The following LMTK2 variants were observed in gnomAD, a reference collection of about 807,000 sequenced individuals.
LMTK2 encodes the protein lemur tail kinase 2.
A neutral mutation model predicts 127.5 loss-of-function variants in LMTK2; 37 were observed. That is an observed-to-expected ratio of 0.29 (90% CI 0.22 to 0.38). LMTK2 has a LOEUF of 0.38. Ranked by LOEUF, LMTK2 falls within the 10% of genes least tolerant of loss-of-function variation. The probability of loss-of-function intolerance (pLI) is 1.00; values close to 1 mark genes in which losing one functional copy is unlikely to be tolerated. For synonymous variants in LMTK2, 819 were observed against 810.1 expected (o/e 1.01, Z -0.19); for missense variants, 1,694 against 1,920.3 (o/e 0.88, Z 2.20).
intron 3 of LMTK2, among the ~76,000 whole-genome samples, chr7:98,145,368 T>A: frequency 6.6e-6 from 1 of 152,184 alleles, no homozygotes; most frequent in East Asian, 1.9e-4. Flanking sequence ...CAGTTTTTTT[T>A]AGAGTATGAA....
chr7:98,112,547 G>A (rs138699851), intron 1 of LMTK2, among the ~76,000 whole-genome samples: 1 of 152,330 alleles, frequency 6.6e-6, no homozygotes, highest in Non-Finnish European at 1.5e-5. Context: ...CAGGTGGCTG[G>A]TGGCTACGGC....
chr7:98,140,552 C>A (rs1450780539), intron 2 of LMTK2, among the ~76,000 whole-genome samples: 1 of 152,070 alleles, frequency 6.6e-6, no homozygotes, highest in Non-Finnish European at 1.5e-5. Flanking sequence ...CTTTGTGGTT[C>A]AGATCCTGGT....
chr7:98,169,076 A>G (rs991782378), intron 6 of LMTK2, among the ~76,000 whole-genome samples: 1 of 152,154 alleles, frequency 6.6e-6, no homozygotes, highest in Non-Finnish European at 1.5e-5. Flanking sequence ...TAAAGATTTT[A>G]TGTTGATTTT....
chr7:98,111,911 A>G (rs912523255), intron 1 of LMTK2, among the ~76,000 whole-genome samples: 4 of 152,164 alleles, frequency 2.6e-5, no homozygotes, highest in Admixed American at 2.0e-4. Context: ...AGTGTTGGAG[A>G]ACTATGCTGG....
chr7:98,188,999 T>A lies in LMTK2; in HGVS notation c.999-1729T>A, dbSNP rs557266493. 3.3e-5 allele frequency among the ~76,000 whole-genome samples: 5 copies of A among 152,314 alleles called. No homozygotes were observed. The South Asian group carries it at 1.0e-3, about 32-fold the overall frequency. The stretch of plus-strand genomic sequence containing the variant: ...AGCCCTGAAGCCTCCCTTCACTCCT[T>A]TTCATTCTTCTGTCTTTTTCCCTCT... On this transcript the variant is annotated intron_variant, in intron 9 of 13. Coordinates refer to ENST00000297293, the MANE Select transcript of LMTK2 (RefSeq NM_014916.4).
chr7:98,137,239 G>A (rs1341620115), intron 1 of LMTK2, 76 bp from the exon 2 acceptor site: 11 of 1,410,656 alleles, frequency 7.8e-6, no homozygotes, highest in Non-Finnish European at 1.1e-5. Flanking sequence ...GTATGTAGAG[G>A]AAAATATATT....
intron 6 of LMTK2, 108 bp downstream of exon 6, chr7:98,159,533 C>T (rs1045770672): frequency 4.1e-6 from 3 of 736,548 alleles, no homozygotes; most frequent in African/African-American, 3.6e-5. Flanking sequence ...CTGTCCCCCA[C>T]TTGAAGAACT....
At chr7:98,154,113 T>C (rs909241710) in intron 4 of LMTK2, among the ~76,000 whole-genome samples, 1 of 152,236 alleles carries the variant, frequency 6.6e-6, no homozygotes, top group Admixed American at 6.5e-5. Context: ...TCTTGCACTT[T>C]GGAATACCTT....
chr7:98,163,230 T>G (rs73710382), intron 6 of LMTK2, among the ~76,000 whole-genome samples: 1 of 152,142 alleles, frequency 6.6e-6, no homozygotes, highest in African/African-American at 2.4e-5. Flanking sequence ...GCAAGAAGAA[T>G]GTACTTAACT....
Position 98,200,514 on chromosome 7 carries a change from T to C in LMTK2, c.4108-3060T>C, listed in dbSNP as rs1325623720. ...ATACGGAGGGCTGACTTTTTGTATATGTGGGTTCCGCAAGGCTAACCACAG... is the reference window on the plus strand; with the variant it reads ...ATACGGAGGGCTGACTTTTTGTATACGTGGGTTCCGCAAGGCTAACCACAG... On this transcript the variant is annotated intron_variant, in intron 11 of 13. Transcript: ENST00000297293. 2.6e-5 allele frequency among the ~76,000 whole-genome samples: 4 copies of C among 152,212 alleles called. No individual in the cohort carries two copies. In the East Asian group the frequency reaches 5.8e-4, roughly 22 times the overall value.
chr7:98,145,891 A>G (rs566170766), intron 3 of LMTK2, among the ~76,000 whole-genome samples: 1 of 152,150 alleles, frequency 6.6e-6, no homozygotes, highest in Non-Finnish European at 1.5e-5. Context: ...CTATTGCCAA[A>G]TCCCTGGTCA....
chr7:98,129,835 C>T (rs879572073), intron 1 of LMTK2, among the ~76,000 whole-genome samples: 3 of 152,074 alleles, frequency 2.0e-5, no homozygotes, highest in African/African-American at 4.8e-5. Flanking sequence ...GAATGCTAGG[C>T]GCTGGGCTAG....
intron 11 of LMTK2, among the ~76,000 whole-genome samples, chr7:98,195,073 C>T (rs943556206): frequency 1.3e-5 from 2 of 152,104 alleles, no homozygotes; most frequent in South Asian, 2.1e-4. Context: ...TGTAGACACA[C>T]GGTCTTGCTA....
chr7:98,130,680 G>A (rs567555922), intron 1 of LMTK2, among the ~76,000 whole-genome samples: 84 of 152,308 alleles, frequency 5.5e-4, no homozygotes, highest in African/African-American at 1.9e-3. Flanking sequence ...CACACGTAGA[G>A]GGGAGATGAT....
At chr7:98,119,476 G>A (rs1796333180) in intron 1 of LMTK2, among the ~76,000 whole-genome samples, 1 of 152,282 alleles carries the variant, frequency 6.6e-6, no homozygotes, top group African/African-American at 2.4e-5. Context: ...GCACTCCGGG[G>A]CAGAACACAG....
intron 1 of LMTK2, among the ~76,000 whole-genome samples, chr7:98,116,189 C>T (rs1035079830): frequency 2.0e-5 from 3 of 152,174 alleles, no homozygotes; most frequent in Non-Finnish European, 4.4e-5. Context: ...CCACAGTGTC[C>T]GGCCTACATC....
At chr7:98,168,713 T>G in intron 6 of LMTK2, among the ~76,000 whole-genome samples, 1 of 152,098 alleles carries the variant, frequency 6.6e-6, no homozygotes, top group Non-Finnish European at 1.5e-5. Context: ...AGGAACCTAT[T>G]TACAGGTGTT....
intron 1 of LMTK2, among the ~76,000 whole-genome samples, chr7:98,111,704 A>G (rs908905126): frequency 7.9e-5 from 12 of 152,210 alleles, no homozygotes; most frequent in Non-Finnish European, 1.5e-4. Context: ...GTTATCATCA[A>G]ATTGACTAAT....
intron 9 of LMTK2, 54 bp downstream of exon 9, chr7:98,187,052 C>T: frequency 6.5e-7 from 1 of 1,548,750 alleles, no homozygotes; most frequent in African/African-American, 1.4e-5. Context: ...GTCCTAACTT[C>T]TTCCTCTTTG....
Sources: gnomAD v4.1 joint callset for allele counts (sites outside exome capture counted in the v4.1 genomes callset) on GRCh38, gnomAD v4.1.1 for gene constraint, MANE v1.5 for transcripts, NCBI Gene and HGNC (gene_info 2026-07-23, HGNC 2026-07-21) for gene names.